Variants in ASCC3 observed in about 807,000 individuals in gnomAD.
ASCC3 encodes ASC-1 complex subunit P200.
A neutral mutation model predicts 256.3 loss-of-function variants in ASCC3; 158 were observed. That is an observed-to-expected ratio of 0.62 (90% CI 0.54 to 0.70). The LOEUF is 0.70. ASCC3 is among the 30% of genes least tolerant of loss of function. ASCC3 has a pLI of 0.00. For synonymous variants in ASCC3, 948 were observed against 883.4 expected (o/e 1.07, Z -1.30); for missense variants, 2,259 against 2,626.0 (o/e 0.86, Z 3.05).
intron 13 of ASCC3, among the ~76,000 whole-genome samples, chr6:100,698,329 C>A (rs1226130132): frequency 6.6e-6 from 1 of 151,856 alleles, no homozygotes; most frequent in Non-Finnish European, 1.5e-5. Flanking sequence ...AAAATGAGAA[C>A]AAAATAACAA....
At chr6:100,725,851 A>G in intron 10 of ASCC3, 148 bp from the exon 11 acceptor site, 1 of 768,154 alleles carries the variant, frequency 1.3e-6, no homozygotes, top group Non-Finnish European at 2.1e-6. Context: ...CTAATTTACT[A>G]TAGACAACAG....
At position 100,798,825 on chromosome 6, in the gene ASCC3, T is replaced by A; in HGVS notation, c.1283A>T (p.Glu428Val). 6.2e-7 allele frequency: 1 copy of A among 1,612,260 alleles called. No individual in the cohort carries two copies. The highest frequency in any genetic ancestry group is 8.5e-7 in the Non-Finnish European group (1 of 1,179,238). Residue 428 changes from glutamate to valine, a missense_variant, in exon 8 of 42, where the codon GAA becomes GTA. Transcript: ENST00000369162. ...CTTGTTATTCTCTCTTTGGATTCCT[T>A]CTGGCAAAATCATCTATAAACATCA... Reference protein sequence around the residue: ...FIAGAKMILPEGIQRENNKLY... With the variant: ...FIAGAKMILPVGIQRENNKLY...
At chr6:100,584,076 G>A (rs1438562414) in intron 36 of ASCC3, among the ~76,000 whole-genome samples, 1 of 151,564 alleles carries the variant, frequency 6.6e-6, no homozygotes, top group Non-Finnish European at 1.5e-5. Flanking sequence ...GATTTGGGGT[G>A]GAGAGTTCTG....
chr6:100,854,315 G>A (rs1028049430), intron 3 of ASCC3, among the ~76,000 whole-genome samples: 4 of 152,116 alleles, frequency 2.6e-5, no homozygotes, highest in African/African-American at 2.4e-5. Flanking sequence ...CCTAAGTAAT[G>A]TAATTTAGTA....
At chr6:100,852,718 T>C (rs767819789) in intron 3 of ASCC3, among the ~76,000 whole-genome samples, 8 of 152,172 alleles carry the variant, frequency 5.3e-5, no homozygotes, top group Non-Finnish European at 1.2e-4. Flanking sequence ...GATATAAAAC[T>C]TAAGAACTCC....
At chr6:100,877,982 G>A (rs921026848) in intron 1 of ASCC3, among the ~76,000 whole-genome samples, 3 of 152,156 alleles carry the variant, frequency 2.0e-5, no homozygotes, top group African/African-American at 7.2e-5. Context: ...TCCAAGTCAG[G>A]ATGAAAAACA....
chr6:100,722,590 C>T (rs72942956), intron 11 of ASCC3, among the ~76,000 whole-genome samples: 25,940 of 151,620 alleles, frequency 0.17, 2,733 homozygotes, highest in Middle Eastern at 0.27. Flanking sequence ...ATCTATAGCA[C>T]TTAGAACTAT....
chr6:100,518,445 T>C (rs889804410), intron 37 of ASCC3, among the ~76,000 whole-genome samples: 20 of 152,114 alleles, frequency 1.3e-4, no homozygotes, highest in Admixed American at 7.2e-4. Context: ...CTCAGTATAC[T>C]TACTATGAGA....
intron 36 of ASCC3, among the ~76,000 whole-genome samples, chr6:100,562,991 G>C (rs558025072): frequency 1.3e-5 from 2 of 151,902 alleles, no homozygotes; most frequent in South Asian, 4.2e-4. Context: ...TTATCAGTGA[G>C]AAGGCTGAGT....
chr6:100,794,737 A>G (rs1260293615), intron 8 of ASCC3, among the ~76,000 whole-genome samples: 1 of 152,046 alleles, frequency 6.6e-6, no homozygotes, highest in Non-Finnish European at 1.5e-5. Context: ...TTTAAAATGA[A>G]ATATTATATG....
intron 14 of ASCC3, among the ~76,000 whole-genome samples, chr6:100,671,298 TG>T (rs1562214757): frequency 6.6e-6 from 1 of 152,088 alleles, no homozygotes; most frequent in Non-Finnish European, 1.5e-5. Flanking sequence ...GAAAAATCAC[TG>T]CTTTTTCTAC....
At chr6:100,579,607 C>A (rs977379010) in intron 36 of ASCC3, among the ~76,000 whole-genome samples, 2 of 151,784 alleles carry the variant, frequency 1.3e-5, no homozygotes, top group Non-Finnish European at 2.9e-5. Flanking sequence ...GAGTCTTTTT[C>A]CCATTTTTTT....
chr6:100,608,063 T>TATATATACATATATATGTATATATAG (rs1562160688), intron 30 of ASCC3, among the ~76,000 whole-genome samples: 45 of 102,492 alleles, frequency 4.4e-4, no homozygotes, highest in African/African-American at 1.6e-3. Context: ...TATATACACA[T>TATATATACATATATATGTATATATAG]ATATATACAT....
At chr6:100,510,407 A>T in intron 40 of ASCC3, 1 of 319,696 alleles carries the variant, frequency 3.1e-6, no homozygotes, top group South Asian at 4.8e-5. Context: ...GCAAATTCTC[A>T]TGCTATTCCT....
intron 5 of ASCC3, among the ~76,000 whole-genome samples, chr6:100,804,271 T>C (rs1274563792): frequency 1.3e-5 from 2 of 152,100 alleles, no homozygotes; most frequent in Non-Finnish European, 1.5e-5. Flanking sequence ...AAGAGCAAAA[T>C]GTTAATGACT....
chr6:100,797,563 T>G (rs1463763592), intron 8 of ASCC3, among the ~76,000 whole-genome samples: 1 of 151,926 alleles, frequency 6.6e-6, no homozygotes, highest in Admixed American at 6.6e-5. Flanking sequence ...TTATAATGAT[T>G]GATAAGGTTT....
intron 36 of ASCC3, among the ~76,000 whole-genome samples, chr6:100,568,756 A>C (rs962433180): frequency 1.5e-4 from 7 of 47,286 alleles, no homozygotes; most frequent in African/African-American, 1.0e-3. Context: ...GTCATAAATT[A>C]TTATTATTAT....
chr6:100,807,940 G>A (rs1434678564), intron 4 of ASCC3, among the ~76,000 whole-genome samples: 2 of 151,758 alleles, frequency 1.3e-5, no homozygotes, highest in Admixed American at 6.6e-5. Context: ...TGAAATAAAG[G>A]CTAAAAACAA....
At chr6:100,721,901 T>C (rs1779357775) in intron 11 of ASCC3, among the ~76,000 whole-genome samples, 1 of 151,754 alleles carries the variant, frequency 6.6e-6, no homozygotes, top group Non-Finnish European at 1.5e-5. Flanking sequence ...CTAAAAATTC[T>C]TTGCCAAGGC....
Sources: gnomAD v4.1 joint callset for allele counts (sites outside exome capture counted in the v4.1 genomes callset) on GRCh38, gnomAD v4.1.1 for gene constraint, MANE v1.5 for transcripts, NCBI Gene and HGNC (gene_info 2026-07-23, HGNC 2026-07-21) for gene names.